The following NLRP4 variants were observed in gnomAD, a reference collection of about 807,000 sequenced individuals.
NLRP4 encodes the protein NLR family pyrin domain containing 4.
In NLRP4, 44 loss-of-function variants were observed where a neutral mutation model predicts 84.7. The ratio of observed to expected loss-of-function variants is 0.52; its 90% CI spans 0.41 to 0.67. The LOEUF (loss-of-function observed/expected upper bound fraction) is 0.67. NLRP4 is among the 30% of genes least tolerant of loss of function. The probability of loss-of-function intolerance (pLI) is 0.00; values close to 1 mark genes in which losing one functional copy is unlikely to be tolerated. For synonymous variants in NLRP4, 544 were observed against 476.4 expected (o/e 1.14, Z -1.85); for missense variants, 1,260 against 1,219.4 (o/e 1.03, Z -0.50).
chr19:55,838,016 A>G (rs957204035), intron 1 of NLRP4, among the ~76,000 whole-genome samples: 8 of 151,172 alleles, frequency 5.3e-5, no homozygotes, highest in Non-Finnish European at 1.2e-4. Flanking sequence ...AGCCTGGGTG[A>G]CAGAATGAGA....
intron 2 of NLRP4, among the ~76,000 whole-genome samples, chr19:55,854,962 G>T (rs1446996431): frequency 6.6e-6 from 1 of 152,198 alleles, no homozygotes. Flanking sequence ...GACCTCCGGT[G>T]ATCCGCCCGC....
At chr19:55,845,247 A>G (rs1485795208) in intron 1 of NLRP4, among the ~76,000 whole-genome samples, 3 of 137,348 alleles carry the variant, frequency 2.2e-5, no homozygotes, top group Non-Finnish European at 4.5e-5. Context: ...TCATTGTTCA[A>G]TTCCCACCTA....
At chr19:55,872,827 C>T (rs146027193) in intron 7 of NLRP4, among the ~76,000 whole-genome samples, 16 of 152,130 alleles carry the variant, frequency 1.1e-4, no homozygotes, top group South Asian at 4.2e-4. Flanking sequence ...TCCAAATAAG[C>T]GCTTAACAGG....
chr19:55,837,637 C>CT (rs1983409184), intron 1 of NLRP4, among the ~76,000 whole-genome samples: 1 of 152,068 alleles, frequency 6.6e-6, no homozygotes, highest in Non-Finnish European at 1.5e-5. Flanking sequence ...GTCCTAACCC[C>CT]TTTATAGGGT....
At chr19:55,878,477 TCTG>T (rs1985453008) in intron 8 of NLRP4, among the ~76,000 whole-genome samples, 3 of 151,958 alleles carry the variant, frequency 2.0e-5, no homozygotes, top group Admixed American at 6.6e-5. Context: ...TCCATTGTTA[TCTG>T]AGACGGCTTC....
At chr19:55,846,216 A>T (rs1983786821) in intron 1 of NLRP4, among the ~76,000 whole-genome samples, 2 of 152,152 alleles carry the variant, frequency 1.3e-5, no homozygotes. Flanking sequence ...TAAGGAAGGG[A>T]TCCAGTTTCA....
rs769565138 is a variant in NLRP4, at chr19:55,858,599, G to A, written c.1206G>A (p.Leu402=). 17 of 1,614,224 alleles carry A rather than the reference G, an allele frequency of 1.1e-5. No homozygotes were observed. Among genetic ancestry groups the A allele is most frequent in the Admixed American group, 5.0e-5 (3 of 60,026 alleles). ...ACCAGCTGAAGGCCCTGTGCTCCCT[G>A]GCTGCAGAGGGTATGTGGACAGACA... is the stretch of plus-strand genomic sequence containing the variant. The part of the protein sequence containing the change: ...TQHQLKALCS[L]AAEGMWTDTF... Residue 402 remains leucine, a synonymous_variant, in exon 3 of 10, where the codon CTG becomes CTA. Coordinates refer to ENST00000301295, the MANE Select transcript of NLRP4 (RefSeq NM_134444.5). This position sits in a 1 kb window ranked among gnomAD's most constrained non-coding sequence, Gnocchi z 4.2.
At chr19:55,878,486 GCTTCA>G (rs1985455182) in intron 8 of NLRP4, among the ~76,000 whole-genome samples, 1 of 138,218 alleles carries the variant, frequency 7.2e-6, no homozygotes, top group Non-Finnish European at 1.6e-5. Context: ...ATCTGAGACG[GCTTCA>G]TACCTTTTTT....
chr19:55,849,810 A>AAGCTGCGGTGTAATTTGCG lies in NLRP4; in HGVS notation c.-65-2205_-65-2204insGCTGCGGTGTAATTTGCGA, dbSNP rs1983946089. Among the ~76,000 whole-genome samples the AAGCTGCGGTGTAATTTGCG allele has an allele frequency of 2.5e-4, 25 of 101,216 alleles. 1 individual carries two copies. Among genetic ancestry groups the AAGCTGCGGTGTAATTTGCG allele is most frequent in the African/African-American group, 1.1e-3 (24 of 21,516 alleles). 66.4% of individuals were successfully genotyped at this position (101,216 alleles called of 152,430 possible). The stretch of plus-strand genomic sequence containing the variant: ...TTTCCAAAGCTGCGGTGTAATTTCC[A>AAGCTGCGGTGTAATTTGCG]AAGCTGCGGTGTAATTTCCGAAGCT... On this transcript the variant is annotated intron_variant, in intron 1 of 9. Transcript: ENST00000301295.
chr19:55,859,299 C>T lies in NLRP4; in HGVS notation c.1856+50C>T, dbSNP rs199475747. On this transcript the variant is annotated intron_variant, in intron 3 of 9. Coordinates refer to ENST00000301295, the MANE Select transcript of NLRP4 (RefSeq NM_134444.5). ...TCTCTTCTCAGAATCTGTCTGTATT[C>T]CCAAGTGGGTTTTGCTGAGGGAGTG... 1.9e-4 allele frequency: 286 copies of T among 1,479,912 alleles called. 1 individual carries two copies. The African/African-American group carries it at 3.6e-3, about 19-fold the overall frequency. The allele number at this position is 1,479,912 out of a possible 1,614,324, so 91.7% of individuals were successfully genotyped here.
chr19:55,865,408 T>C (rs751620247), intron 5 of NLRP4, among the ~76,000 whole-genome samples: 2 of 152,210 alleles, frequency 1.3e-5, no homozygotes, highest in African/African-American at 2.4e-5. Flanking sequence ...TTTAGGTGAA[T>C]AGTGCTGTGA....
At chr19:55,866,370 A>G (rs1337275682) in intron 5 of NLRP4, among the ~76,000 whole-genome samples, 1 of 152,228 alleles carries the variant, frequency 6.6e-6, no homozygotes, top group African/African-American at 2.4e-5. Flanking sequence ...GAACATTAAA[A>G]GCATGCATGG....
At chr19:55,841,916 A>G (rs1983627408) in intron 1 of NLRP4, among the ~76,000 whole-genome samples, 1 of 152,190 alleles carries the variant, frequency 6.6e-6, no homozygotes, top group Non-Finnish European at 1.5e-5. Flanking sequence ...TCTCTTTGAC[A>G]TACGAATTTC....
At chr19:55,878,361 A>C (rs1419622104) in intron 8 of NLRP4, among the ~76,000 whole-genome samples, 2 of 152,222 alleles carry the variant, frequency 1.3e-5, no homozygotes, top group African/African-American at 4.8e-5. Context: ...TCAAGGCTGC[A>C]GTGAGCCATG....
chr19:55,854,533 G>A (rs1235543150), intron 2 of NLRP4, among the ~76,000 whole-genome samples: 1 of 152,148 alleles, frequency 6.6e-6, no homozygotes. Flanking sequence ...TTAAGAATCT[G>A]TAATATCTTG....
chr19:55,874,898 T>G (rs1002597614), intron 7 of NLRP4, among the ~76,000 whole-genome samples: 1 of 152,144 alleles, frequency 6.6e-6, no homozygotes, highest in Non-Finnish European at 1.5e-5. Context: ...AATCCATAAA[T>G]GTATTAAAAG....
At chr19:55,853,843 TTCTG>T (rs533283826) in intron 2 of NLRP4, among the ~76,000 whole-genome samples, 344 of 150,940 alleles carry the variant, frequency 2.3e-3, no homozygotes, top group Admixed American at 4.2e-3. Flanking sequence ...CTCTCTCTCG[TTCTG>T]TCTTTCTCTC....
At chr19:55,861,643 A>T in intron 4 of NLRP4, 96 bp downstream of exon 4, 1 of 1,162,836 alleles carries the variant, frequency 8.6e-7, no homozygotes, top group Non-Finnish European at 1.2e-6. Context: ...ACAAGCAAAG[A>T]ATTAACATCC....
chr19:55,848,153 C>T (rs1983870649), intron 1 of NLRP4, among the ~76,000 whole-genome samples: 1 of 152,108 alleles, frequency 6.6e-6, no homozygotes, highest in African/African-American at 2.4e-5. Context: ...TTTTGAGAAG[C>T]ACTGGTCAGG....
Sources: allele counts gnomAD v4.1 joint callset (sites outside exome capture counted in the v4.1 genomes callset), GRCh38; gene constraint gnomAD v4.1.1; non-coding constraint Gnocchi (gnomAD v3.1); transcripts MANE v1.5; gene names NCBI Gene and HGNC (gene_info 2026-07-23, HGNC 2026-07-21).